KCNIP4: variants seen among roughly 807,000 people sequenced by gnomAD.
The protein encoded by KCNIP4 is potassium voltage-gated channel interacting protein 4.
KCNIP4 carries 12 observed loss-of-function variants against 34.0 expected under a neutral mutation model. The observed-to-expected ratio is 0.35, with a 90% CI of 0.23 to 0.57. The LOEUF (loss-of-function observed/expected upper bound fraction) is 0.57. Ranked by LOEUF, KCNIP4 falls within the 20% of genes least tolerant of loss-of-function variation. The pLI, the probability that KCNIP4 is intolerant of heterozygous loss-of-function variation, is 0.83. For missense variants in KCNIP4, 238 were observed against 311.7 expected (o/e 0.76, Z 1.78); for synonymous variants, 124 against 102.2 (o/e 1.21, Z -1.29).
intron 1 of KCNIP4, among the ~76,000 whole-genome samples, chr4:21,200,931 T>G (rs1378786001): frequency 6.6e-6 from 1 of 152,164 alleles, no homozygotes; most frequent in African/African-American, 2.4e-5. Context: ...AGGCAAGAGA[T>G]GCCACTTCCT....
rs147727718 is a variant in KCNIP4, at chr4:21,504,134, C to T, written c.61+444437G>A. On this transcript the variant is annotated intron_variant, in intron 1 of 8. Coordinates refer to ENST00000382152, the MANE Select transcript of KCNIP4 (RefSeq NM_025221.6). ...AATCCACCCATCATCATATATTGCA[C>T]GTCTGTACCCAGCCTGGTCAACAAT... 4.2e-3 allele frequency among the ~76,000 whole-genome samples: 639 copies of T among 151,520 alleles called. 4 individuals are homozygous for T. Among genetic ancestry groups the T allele is most frequent in the African/African-American group, 0.015 (610 of 41,484 alleles).
chr4:21,670,504 T>TG, intron 1 of KCNIP4, among the ~76,000 whole-genome samples: 1 of 151,764 alleles, frequency 6.6e-6, no homozygotes, highest in South Asian at 2.1e-4. Context: ...CGCACCAGCA[T>TG]GGCACATGTA....
intron 1 of KCNIP4, among the ~76,000 whole-genome samples, chr4:21,388,894 T>C (rs1475937210): frequency 7.2e-5 from 11 of 152,172 alleles, no homozygotes; most frequent in Non-Finnish European, 1.5e-4. Context: ...TATAACTTGA[T>C]AGACATTTGG....
chr4:20,850,710 T>A (rs761687380), intron 2 of KCNIP4, 43 bp from the exon 3 acceptor site: 1 of 1,599,194 alleles, frequency 6.3e-7, no homozygotes, highest in Non-Finnish European at 8.5e-7. Context: ...CAGCCACTGC[T>A]CACCGATGCT....
chr4:21,731,393 G>A (rs146475978), intron 1 of KCNIP4, among the ~76,000 whole-genome samples: 6 of 152,222 alleles, frequency 3.9e-5, no homozygotes, highest in African/African-American at 1.2e-4. Flanking sequence ...GATAGAGGAC[G>A]GAAGGAGAGG....
chr4:21,247,849 G>T (rs1485403154), intron 1 of KCNIP4, among the ~76,000 whole-genome samples: 13 of 101,468 alleles, frequency 1.3e-4, no homozygotes, highest in Admixed American at 3.3e-4. Flanking sequence ...CACAGGTGGA[G>T]ATATATATAT....
intron 1 of KCNIP4, among the ~76,000 whole-genome samples, chr4:21,506,339 C>T (rs1379018419): frequency 6.6e-6 from 1 of 152,148 alleles, no homozygotes; most frequent in Non-Finnish European, 1.5e-5. Flanking sequence ...TTATCTGGGC[C>T]TCACTCTATT....
chr4:20,801,143 A>G (rs569165377), intron 3 of KCNIP4, among the ~76,000 whole-genome samples: 1 of 152,318 alleles, frequency 6.6e-6, no homozygotes, highest in Non-Finnish European at 1.5e-5. Flanking sequence ...CAACATGCTG[A>G]AAGAAAAACC....
At chr4:20,869,874 G>T (rs1723257872) in intron 2 of KCNIP4, among the ~76,000 whole-genome samples, 1 of 151,976 alleles carries the variant, frequency 6.6e-6, no homozygotes, top group African/African-American at 2.4e-5. Context: ...TGTGACCTTG[G>T]GCAAAGTGCT....
chr4:21,365,519 A>G lies in KCNIP4; in HGVS notation c.62-482810T>C, dbSNP rs867061459. On this transcript the variant is annotated intron_variant, in intron 1 of 8. Transcript: ENST00000382152. The stretch of plus-strand genomic sequence containing the variant: ...TAAATAAATAAATAAATAAATAAAT[A>G]AATAAAAAATAAAGAAAGAAAAGAA... Among the ~76,000 whole-genome samples the G allele has an allele frequency of 9.2e-3, 594 of 64,762 alleles. 9 individuals carry two copies. Among genetic ancestry groups the G allele is most frequent in the Middle Eastern group, 0.029 (5 of 174 alleles). The allele number at this position is 64,762 out of a possible 152,430, so 42.5% of individuals were successfully genotyped here.
At chr4:21,535,023 CTCCACTGTATTCCATTCCAT>C (rs1737032298) in intron 1 of KCNIP4, among the ~76,000 whole-genome samples, 1 of 152,042 alleles carries the variant, frequency 6.6e-6, no homozygotes, top group Non-Finnish European at 1.5e-5. Flanking sequence ...TTTCCATTCG[CTCCACTGTATTCCATTCCAT>C]TCCACTCCAC....
chr4:21,534,436 G>A (rs1221421406), intron 1 of KCNIP4, among the ~76,000 whole-genome samples: 2 of 152,114 alleles, frequency 1.3e-5, no homozygotes, highest in African/African-American at 4.8e-5. Flanking sequence ...TTTGATGAAT[G>A]TACTATTCCC....
intron 1 of KCNIP4, among the ~76,000 whole-genome samples, chr4:21,024,694 T>C (rs558333430): frequency 2.6e-5 from 4 of 152,344 alleles, no homozygotes; most frequent in African/African-American, 7.2e-5. Flanking sequence ...TTTTCTTTAA[T>C]GGTCTCTTCA....
intron 1 of KCNIP4, among the ~76,000 whole-genome samples, chr4:21,170,462 T>A (rs1836087): frequency 0.65 from 99,141 of 151,994 alleles, 32,856 homozygotes; most frequent in African/African-American, 0.76. Flanking sequence ...CAGCAAACAT[T>A]AAATCACTGT....
intron 1 of KCNIP4, among the ~76,000 whole-genome samples, chr4:21,201,700 A>G (rs1358352704): frequency 6.6e-6 from 1 of 152,122 alleles, no homozygotes; most frequent in East Asian, 1.9e-4. Flanking sequence ...GGGTTTCACC[A>G]TGTTAGCCAG....
intron 4 of KCNIP4, among the ~76,000 whole-genome samples, chr4:20,755,006 G>A (rs369022184): frequency 6.6e-6 from 1 of 152,044 alleles, no homozygotes; most frequent in Non-Finnish European, 1.5e-5. Context: ...AAAACATGAG[G>A]TAGTTAATTA....
At chr4:21,653,029 A>T (rs1747630126) in intron 1 of KCNIP4, among the ~76,000 whole-genome samples, 1 of 152,152 alleles carries the variant, frequency 6.6e-6, no homozygotes, top group Non-Finnish European at 1.5e-5. Flanking sequence ...GAAAAATGTA[A>T]ATGTGGCTAC....
At chr4:21,837,471 T>G (rs1308715747) in intron 1 of KCNIP4, among the ~76,000 whole-genome samples, 1 of 135,200 alleles carries the variant, frequency 7.4e-6, no homozygotes, top group Non-Finnish European at 1.5e-5. Flanking sequence ...GAGGTGGAGG[T>G]TGCAGTGAGC....
At chr4:20,919,702 CAAAAA>C (rs573617142) in intron 1 of KCNIP4, among the ~76,000 whole-genome samples, 3 of 57,252 alleles carry the variant, frequency 5.2e-5, no homozygotes, top group Admixed American at 1.8e-4. Flanking sequence ...GACTCCGTCT[CAAAAA>C]AAAAAAAAAA....
Sources: gnomAD v4.1 joint callset for allele counts (sites outside exome capture counted in the v4.1 genomes callset) on GRCh38, gnomAD v4.1.1 for gene constraint, MANE v1.5 for transcripts, NCBI Gene and HGNC (gene_info 2026-07-23, HGNC 2026-07-21) for gene names.